Variants in STIL observed in about 807,000 individuals in gnomAD.
STIL encodes STIL centriolar assembly protein.
In STIL, 55 loss-of-function variants were observed where a neutral mutation model predicts 110.1. The observed-to-expected ratio is 0.50, with a 90% CI of 0.40 to 0.63. The LOEUF (loss-of-function observed/expected upper bound fraction) is 0.63. Ranked by LOEUF, STIL falls within the 20% of genes least tolerant of loss-of-function variation. The probability of loss-of-function intolerance (pLI) is 0.00; values close to 1 mark genes in which losing one functional copy is unlikely to be tolerated. For synonymous variants in STIL, 481 were observed against 530.0 expected (o/e 0.91, Z 1.27); for missense variants, 1,358 against 1,530.0 (o/e 0.89, Z 1.87).
intron 16 of STIL, among the ~76,000 whole-genome samples, chr1:47,257,082 TA>T (rs201724662): frequency 2.0e-5 from 3 of 150,012 alleles, no homozygotes; most frequent in South Asian, 2.1e-4. Context: ...AGCAGAAAGG[TA>T]AAAAAAAAGA....
At chr1:47,254,882 T>C (rs1224486711) in intron 16 of STIL, among the ~76,000 whole-genome samples, 1 of 152,156 alleles carries the variant, frequency 6.6e-6, no homozygotes, top group Non-Finnish European at 1.5e-5. Context: ...AAAAGATCCA[T>C]AAAGTAGTCA....
intron 9 of STIL, 48 bp from the exon 10 acceptor site, chr1:47,287,708 C>A (rs1240070619): frequency 1.4e-6 from 2 of 1,391,888 alleles, no homozygotes; most frequent in Non-Finnish European, 2.0e-6. Flanking sequence ...AATAAGAACA[C>A]CAGAGAATTC....
chr1:47,262,952 G>C lies in STIL; in HGVS notation c.2780C>G (p.Pro927Arg). 6.2e-7 allele frequency: 1 copy of C among 1,614,060 alleles called. No homozygotes were observed. The highest frequency in any genetic ancestry group is 8.5e-7 in the Non-Finnish European group (1 of 1,180,012). The part of the protein sequence containing the change: ...EEPKIEHVMQ[P>R]LLHQPSDNQK... ...GTTATCTGATGGTTGATGAAGCAAG[G>C]GTTGCATTACATGCTCAATTTTTGG... Residue 927 changes from proline (P) to arginine (R), a missense_variant, in exon 15 of 17, where the codon CCC becomes CGC. Pro to Arg is a moderately radical substitution (Grantham distance 103). Transcript: ENST00000371877.
Position 47,260,446 on chromosome 1 carries a change from G to A in STIL, c.2923C>T (p.Gln975Ter). ...TTTTTCTTTGTATGGTAAACGTTTT[G>A]GGTTCTGGTGCATTCATGACTGATA... ...VIISHECTRT[Q>*]NVYHTKKKTH... The change falls in exon 16 of 17, where the codon CAA (glutamine) becomes TAA (stop). Residue 975 changes from glutamine (Q) to a stop codon, truncating the protein, a stop_gained. Coordinates refer to ENST00000371877, the MANE Select transcript of STIL (RefSeq NM_001048166.1). LOFTEE classifies it high-confidence loss of function. The A allele has an allele frequency of 6.2e-7, 1 of 1,614,122 alleles. No homozygotes were observed. The highest frequency in any genetic ancestry group is 1.6e-4 in the Middle Eastern group (1 of 6,062).
chr1:47,279,612 C>G (rs779411367), intron 12 of STIL, among the ~76,000 whole-genome samples: 5 of 151,712 alleles, frequency 3.3e-5, no homozygotes, highest in Admixed American at 6.6e-5. Flanking sequence ...GCCTGTAATC[C>G]CAGCTCCTAG....
At chr1:47,299,883 G>T (rs577660574) in intron 6 of STIL, 22 bp downstream of exon 6, 30 of 1,603,886 alleles carry the variant, frequency 1.9e-5, no homozygotes, top group Admixed American at 5.0e-5. Context: ...CTAACATTTA[G>T]ATTAATGTAT....
At chr1:47,256,602 C>G (rs1381502127) in intron 16 of STIL, among the ~76,000 whole-genome samples, 2 of 113,620 alleles carry the variant, frequency 1.8e-5, no homozygotes, top group Non-Finnish European at 3.5e-5. Context: ...GCCTGGGCGA[C>G]AGAGCGAGAC....
intron 15 of STIL, among the ~76,000 whole-genome samples, chr1:47,261,160 G>A (rs999123798): frequency 1.3e-5 from 2 of 152,088 alleles, no homozygotes; most frequent in African/African-American, 4.8e-5. Context: ...GGCCAAGGTG[G>A]GCGGATCACT....
rs763148843 is a variant in STIL at position 47,301,574 on chromosome 1, C to A, written c.440G>T (p.Ser147Ile). The A allele has an allele frequency of 6.2e-7, 1 of 1,613,692 alleles. No individual in the cohort carries two copies. ...AATGAATCGCACCTTTAAAGCTGAA[C>A]TGAAGTCATCTACACTGTGAACTAT... The part of the protein sequence containing the change: ...EMIVHSVDDF[S>I]SALKALQCHI... The change falls in exon 5 of 17, where the codon AGT becomes ATT. Residue 147 changes from serine to isoleucine, a missense_variant. Physicochemically the swap from Ser to Ile is moderately radical, Grantham distance 142. Transcript: ENST00000371877.
intron 10 of STIL, among the ~76,000 whole-genome samples, chr1:47,286,339 T>A (rs1214308010): frequency 6.6e-6 from 1 of 152,024 alleles, no homozygotes; most frequent in Non-Finnish European, 1.5e-5. Context: ...CTTTTTTTTT[T>A]AAATGGAGAA....
chr1:47,285,023 T>TC (rs967584585), intron 10 of STIL, among the ~76,000 whole-genome samples: 1 of 149,946 alleles, frequency 6.7e-6, no homozygotes, highest in Non-Finnish European at 1.5e-5. Flanking sequence ...TTTTTGTCTT[T>TC]TTTTTTTTTT....
intron 16 of STIL, among the ~76,000 whole-genome samples, chr1:47,252,202 A>G (rs150781840): frequency 1.3e-3 from 202 of 152,162 alleles, no homozygotes; most frequent in Middle Eastern, 6.8e-3. Flanking sequence ...GCAATATAGC[A>G]AGATCTTGTC....
intron 14 of STIL, among the ~76,000 whole-genome samples, 177 bp from the exon 15 acceptor site, chr1:47,263,293 T>C (rs1644535846): frequency 6.6e-6 from 1 of 152,186 alleles, no homozygotes; most frequent in Admixed American, 6.5e-5. Context: ...ATGCCTGTAA[T>C]CTGTGTTTTG....
chr1:47,286,195 A>G (rs1044189332), intron 10 of STIL, among the ~76,000 whole-genome samples: 1 of 152,066 alleles, frequency 6.6e-6, no homozygotes, highest in African/African-American at 2.4e-5. Context: ...TTTTTATTGT[A>G]TAATGAAAGT....
chr1:47,291,844 A>G (rs1421804218), intron 8 of STIL, among the ~76,000 whole-genome samples: 1 of 151,698 alleles, frequency 6.6e-6, no homozygotes, highest in Non-Finnish European at 1.5e-5. Flanking sequence ...GGGATTACAG[A>G]TGTGAGCCAC....
intron 10 of STIL, chr1:47,283,080 T>C (rs1266367672): frequency 6.6e-6 from 1 of 152,574 alleles, no homozygotes; most frequent in Non-Finnish European, 1.5e-5. Context: ...CAGGCTTTTT[T>C]ACATCCTACA....
chr1:47,286,367 G>C (rs1175921984), intron 10 of STIL, among the ~76,000 whole-genome samples: 1 of 151,684 alleles, frequency 6.6e-6, no homozygotes, highest in Non-Finnish European at 1.5e-5. Context: ...CTTGAGGAGA[G>C]GAACTTTAAA....
intron 8 of STIL, among the ~76,000 whole-genome samples, chr1:47,291,397 T>A (rs915721735): frequency 6.6e-5 from 10 of 151,258 alleles, no homozygotes; most frequent in Admixed American, 3.3e-4. Context: ...TAAATAAAAA[T>A]TTAAAAATTA....
At chr1:47,277,271 A>G (rs962534400) in intron 12 of STIL, among the ~76,000 whole-genome samples, 2 of 152,218 alleles carry the variant, frequency 1.3e-5, no homozygotes, top group African/African-American at 4.8e-5. Context: ...AGTTAAAGAA[A>G]AAAGCACTAC....
Sources: gnomAD v4.1 joint callset for allele counts (sites outside exome capture counted in the v4.1 genomes callset) on GRCh38, gnomAD v4.1.1 for gene constraint, MANE v1.5 for transcripts, NCBI Gene and HGNC (gene_info 2026-07-23, HGNC 2026-07-21) for gene names.